The following ACAD11 variants were observed in gnomAD, a reference collection of about 807,000 sequenced individuals.
ACAD11 encodes the protein acyl-Coenzyme A dehydrogenase family, member 11.
Under a neutral mutation model 102.2 loss-of-function variants are expected in ACAD11, and 83 were observed. That is an observed-to-expected ratio of 0.81 (90% CI 0.68 to 0.97). The LOEUF (loss-of-function observed/expected upper bound fraction) is 0.97, where lower values mean the gene tolerates loss of function less well. ACAD11 is among the 50% of genes least tolerant of loss of function. The pLI is 0.00. For missense variants in ACAD11, 901 were observed against 951.7 expected (o/e 0.95, Z 0.70); for synonymous variants, 324 against 319.8 (o/e 1.01, Z -0.14).
chr3:132,640,808 G>C (rs1940465597), intron 4 of ACAD11, among the ~76,000 whole-genome samples: 1 of 152,086 alleles, frequency 6.6e-6, no homozygotes, highest in South Asian at 2.1e-4. Flanking sequence ...AGCATATAGT[G>C]AGTACACTCT....
intron 11 of ACAD11, among the ~76,000 whole-genome samples, chr3:132,605,925 T>C (rs1938817975): frequency 6.6e-6 from 1 of 152,206 alleles, no homozygotes; most frequent in Admixed American, 6.5e-5. Flanking sequence ...AAAATGGCAG[T>C]AGATAACTTC....
intron 15 of ACAD11, among the ~76,000 whole-genome samples, chr3:132,577,607 C>T (rs755783317): frequency 1.3e-5 from 2 of 152,150 alleles, no homozygotes; most frequent in Non-Finnish European, 2.9e-5. Flanking sequence ...ATTTGAAACA[C>T]TGAGGCCAGG....
chr3:132,625,416 A>C (rs1328222230), intron 9 of ACAD11, among the ~76,000 whole-genome samples: 1 of 152,160 alleles, frequency 6.6e-6, no homozygotes, highest in Non-Finnish European at 1.5e-5. Context: ...AGGGGAGGAC[A>C]ATGTTGAATT....
intron 9 of ACAD11, among the ~76,000 whole-genome samples, chr3:132,622,069 A>C (rs2107852080): frequency 6.6e-6 from 1 of 152,256 alleles, no homozygotes; most frequent in African/African-American, 2.4e-5. Context: ...GGAGTATAAC[A>C]GCATTTTCCA....
intron 13 of ACAD11, among the ~76,000 whole-genome samples, chr3:132,580,473 T>G (rs1937582040): frequency 1.3e-5 from 2 of 152,012 alleles, no homozygotes; most frequent in Admixed American, 1.3e-4. Flanking sequence ...AGAAGTAGCT[T>G]GTAAGATCAA....
chr3:132,603,335 T>G lies in ACAD11; in HGVS notation c.1523-8A>C, dbSNP rs965494656. On this transcript the variant is annotated splice_region_variant and splice_polypyrimidine_tract_variant and intron_variant, in intron 12 of 19. Coordinates refer to ENST00000264990, the MANE Select transcript of ACAD11 (RefSeq NM_032169.5). Reference sequence around the variant, plus strand: ...TTGAAGCTACATCAGGTTCTATAAATAAACAAAAGCTGAATTTACAGGCAG... The same window carrying G: ...TTGAAGCTACATCAGGTTCTATAAAGAAACAAAAGCTGAATTTACAGGCAG... The G allele has an allele frequency of 1.2e-6, 2 of 1,612,358 alleles. No individual in the cohort carries two copies. Among genetic ancestry groups the G allele is most frequent in the African/African-American group, 2.7e-5 (2 of 74,874 alleles).
chr3:132,571,276 T>C (rs886457641), intron 17 of ACAD11, among the ~76,000 whole-genome samples: 49 of 151,944 alleles, frequency 3.2e-4, no homozygotes, highest in Admixed American at 2.0e-4. Flanking sequence ...TTTTTTCACA[T>C]GCCTGTTGGC....
At position 132,558,381 on chromosome 3, in the gene ACAD11, G is replaced by C. The variant is rs993304569; in HGVS notation, c.*590C>G. The C allele has an allele frequency of 1.3e-5, 2 of 152,158 alleles. No individual in the cohort carries two copies. Among genetic ancestry groups the C allele is most frequent in the Non-Finnish European group, 2.9e-5 (2 of 68,150 alleles). 9.4% of individuals were successfully genotyped at this position (152,158 alleles called of 1,614,324 possible). A position where few individuals can be genotyped will look rare whatever the true frequency, so the allele number is the denominator to read the frequency against. On this transcript the variant is annotated 3_prime_UTR_variant, in exon 20 of 20. Coordinates refer to ENST00000264990, the MANE Select transcript of ACAD11 (RefSeq NM_032169.5). Reference sequence around the variant, plus strand: ...TTAACACCAATGCGTGTGAAGTACAGTGAAGTACAGTGAGGTTAAGGCTCA... The same window carrying C: ...TTAACACCAATGCGTGTGAAGTACACTGAAGTACAGTGAGGTTAAGGCTCA...
At chr3:132,592,140 T>C (rs1348815186) in intron 13 of ACAD11, among the ~76,000 whole-genome samples, 6 of 152,146 alleles carry the variant, frequency 3.9e-5, no homozygotes, top group Non-Finnish European at 7.3e-5. Flanking sequence ...GAAATATTTG[T>C]ATTTAACAAT....
At chr3:132,653,775 T>A (rs1937635669) in intron 1 of ACAD11, among the ~76,000 whole-genome samples, 1 of 152,196 alleles carries the variant, frequency 6.6e-6, no homozygotes, top group South Asian at 2.1e-4. Context: ...CCACTTCTTC[T>A]AAGACTCCTT....
chr3:132,576,872 C>G, intron 16 of ACAD11, 72 bp downstream of exon 16: 1 of 1,113,260 alleles, frequency 9.0e-7, no homozygotes, highest in Non-Finnish European at 1.3e-6. Flanking sequence ...TCTGGAAAGA[C>G]TTATCTTTTC....
At chr3:132,637,417 A>G (rs530810347) in intron 5 of ACAD11, among the ~76,000 whole-genome samples, 1 of 152,308 alleles carries the variant, frequency 6.6e-6, no homozygotes, top group East Asian at 1.9e-4. Flanking sequence ...TGGATTCTAA[A>G]TTAACAGCAA....
chr3:132,605,234 G>T, intron 11 of ACAD11, 29 bp from the exon 12 acceptor site: 1 of 1,549,632 alleles, frequency 6.5e-7, no homozygotes. Flanking sequence ...TATTTGTTTT[G>T]CATTTGAAAA....
chr3:132,566,551 T>C (rs1041067216), intron 17 of ACAD11, among the ~76,000 whole-genome samples: 21 of 152,062 alleles, frequency 1.4e-4, no homozygotes, highest in East Asian at 9.7e-4. Context: ...TCTGAAAAAA[T>C]AGACATAAAA....
At chr3:132,609,554 A>G (rs985195826) in intron 11 of ACAD11, among the ~76,000 whole-genome samples, 4 of 152,192 alleles carry the variant, frequency 2.6e-5, no homozygotes, top group Non-Finnish European at 5.9e-5. Flanking sequence ...ACTCCTGGAC[A>G]CATATACCCT....
At chr3:132,594,088 A>C (rs1308545728) in intron 13 of ACAD11, among the ~76,000 whole-genome samples, 1 of 152,198 alleles carries the variant, frequency 6.6e-6, no homozygotes, top group Non-Finnish European at 1.5e-5. Flanking sequence ...TGATTCATAC[A>C]CTATGATTTA....
intron 5 of ACAD11, among the ~76,000 whole-genome samples, chr3:132,634,213 AAAAC>A (rs1486006911): frequency 2.0e-5 from 3 of 152,214 alleles, no homozygotes; most frequent in Non-Finnish European, 2.9e-5. Flanking sequence ...TTACAAGAAA[AAAAC>A]AAACAACCCC....
At chr3:132,614,760 C>T (rs1215523991) in intron 11 of ACAD11, among the ~76,000 whole-genome samples, 1 of 152,154 alleles carries the variant, frequency 6.6e-6, no homozygotes, top group Non-Finnish European at 1.5e-5. Flanking sequence ...AGGACATAGG[C>T]ATGGGCAAAG....
chr3:132,577,019 TA>T lies in ACAD11; in HGVS notation c.1775-5del. On this transcript the variant is annotated splice_polypyrimidine_tract_variant and splice_region_variant and intron_variant, in intron 15 of 19. Transcript: ENST00000264990. ...AAATGTCCTCCATGAAAATTATCTATAAAATAGAAAATAAAATTTAGAGCAA... is the reference window on the plus strand; with the variant it reads ...AAATGTCCTCCATGAAAATTATCTATAAATAGAAAATAAAATTTAGAGCAA... 6.3e-7 allele frequency: 1 copy of T among 1,578,912 alleles called. No individual in the cohort carries two copies. The highest frequency in any genetic ancestry group is 8.7e-7 in the Non-Finnish European group (1 of 1,152,114).
Sources: allele counts gnomAD v4.1 joint callset (sites outside exome capture counted in the v4.1 genomes callset), GRCh38; gene constraint gnomAD v4.1.1; transcripts MANE v1.5; gene names NCBI Gene and HGNC (gene_info 2026-07-23, HGNC 2026-07-21).